SPHKAP: variants seen among roughly 807,000 people sequenced by gnomAD.
SPHKAP encodes the protein SPHK1 interactor, AKAP domain containing.
SPHKAP carries 67 observed loss-of-function variants against 137.5 expected under a neutral mutation model. The observed-to-expected ratio is 0.49, with a 90% CI of 0.40 to 0.60. The LOEUF (loss-of-function observed/expected upper bound fraction) is 0.60, where lower values mean the gene tolerates loss of function less well. SPHKAP is among the 20% of genes least tolerant of loss of function. The pLI, the probability that SPHKAP is intolerant of heterozygous loss-of-function variation, is 0.00. For missense variants in SPHKAP, 2,097 were observed against 2,069.3 expected, an observed-to-expected ratio of 1.01 and a Z score of -0.26; for synonymous variants, 813 against 785.3, an observed-to-expected ratio of 1.04 and a Z score of -0.59.
chr2:228,001,717 C>T lies in SPHKAP; in HGVS notation c.4449-6023G>A, dbSNP rs528779212. Reference sequence around the variant, plus strand: ...TATATCTCCTAATGCTATCCCTCCCCGCTCCCCGCAGCCCACAACAGGCCC... The same window carrying T: ...TATATCTCCTAATGCTATCCCTCCCTGCTCCCCGCAGCCCACAACAGGCCC... On this transcript the variant is annotated intron_variant, in intron 7 of 11. Transcript: ENST00000392056. Among the ~76,000 whole-genome samples, 14 of 151,848 alleles carry T rather than the reference C, an allele frequency of 9.2e-5. No homozygotes were observed. In the East Asian group the frequency reaches 9.7e-4, roughly 11 times the overall value.
chr2:227,993,324 T>C (rs543453417), intron 9 of SPHKAP, among the ~76,000 whole-genome samples: 55 of 152,314 alleles, frequency 3.6e-4, no homozygotes, highest in African/African-American at 1.3e-3. Flanking sequence ...GAAATGATTA[T>C]TTCACAGGGG....
At chr2:228,079,000 C>A (rs1472489301) in intron 3 of SPHKAP, among the ~76,000 whole-genome samples, 1 of 152,164 alleles carries the variant, frequency 6.6e-6, no homozygotes, top group Non-Finnish European at 1.5e-5. Context: ...TGGGCCTCTG[C>A]ATTACCAGGC....
intron 2 of SPHKAP, among the ~76,000 whole-genome samples, chr2:228,124,891 A>G (rs908092596): frequency 2.6e-5 from 4 of 152,210 alleles, no homozygotes; most frequent in Non-Finnish European, 5.9e-5. Context: ...AAAATGAAAC[A>G]TCCGGGGACA....
At chr2:227,989,006 T>G (rs908468833) in intron 11 of SPHKAP, among the ~76,000 whole-genome samples, 1 of 152,184 alleles carries the variant, frequency 6.6e-6, no homozygotes, top group Non-Finnish European at 1.5e-5. Flanking sequence ...AGAAAGGGTA[T>G]GAAAAATGAA....
At chr2:228,031,975 C>T (rs1695344847) in intron 3 of SPHKAP, among the ~76,000 whole-genome samples, 1 of 152,150 alleles carries the variant, frequency 6.6e-6, no homozygotes, top group South Asian at 2.1e-4. Context: ...AGCAGAGCGC[C>T]TCTCCTCCTC....
intron 3 of SPHKAP, among the ~76,000 whole-genome samples, chr2:228,066,671 T>C (rs1016342389): frequency 2.0e-5 from 3 of 152,136 alleles, no homozygotes; most frequent in Admixed American, 6.5e-5. Flanking sequence ...CTTGGTCTCA[T>C]GTTGCTCAAC....
rs559565851 is a variant in SPHKAP at position 228,084,804 on chromosome 2, T to G, written c.246+24028A>C. On this transcript the variant is annotated intron_variant, in intron 3 of 11. Coordinates refer to ENST00000392056, the MANE Select transcript of SPHKAP (RefSeq NM_001142644.2). ...GCTTAGGTGAAGAATGAGAAAGGGCTGGATTGAACAGAGAAAAAATGCATC... is the reference window on the plus strand; with the variant it reads ...GCTTAGGTGAAGAATGAGAAAGGGCGGGATTGAACAGAGAAAAAATGCATC... 2.2e-3 allele frequency among the ~76,000 whole-genome samples: 329 copies of G among 152,308 alleles called. 1 individual carries two copies. The highest frequency in any genetic ancestry group is 4.0e-3 in the Non-Finnish European group (270 of 68,020).
intron 8 of SPHKAP, among the ~76,000 whole-genome samples, chr2:227,994,712 G>A (rs1160051182): frequency 1.3e-5 from 2 of 152,126 alleles, no homozygotes; most frequent in African/African-American, 2.4e-5. Flanking sequence ...CCAAAGATTC[G>A]AGTTCTCTTT....
chr2:228,065,910 T>C (rs916745744), intron 3 of SPHKAP, among the ~76,000 whole-genome samples: 3 of 152,172 alleles, frequency 2.0e-5, no homozygotes, highest in African/African-American at 7.2e-5. Context: ...AAAATTATCA[T>C]GAGTCAACTA....
chr2:228,062,165 T>A (rs553285501), intron 3 of SPHKAP, among the ~76,000 whole-genome samples: 3 of 151,672 alleles, frequency 2.0e-5, no homozygotes, highest in African/African-American at 4.8e-5. Flanking sequence ...CCTTTTTTTT[T>A]AATTTTTCTT....
chr2:228,129,818 A>G (rs571336632), intron 2 of SPHKAP, among the ~76,000 whole-genome samples: 34 of 140,304 alleles, frequency 2.4e-4, no homozygotes, highest in Non-Finnish European at 4.9e-4. Context: ...TTTTTTTGAG[A>G]CTGAGTCTTA....
chr2:228,147,558 G>A (rs148821790), intron 1 of SPHKAP, among the ~76,000 whole-genome samples: 68 of 152,282 alleles, frequency 4.5e-4, no homozygotes, highest in African/African-American at 1.5e-3. Context: ...ATACTACTAT[G>A]CAGAAGTCAG....
At chr2:228,107,222 A>C (rs1698370172) in intron 3 of SPHKAP, among the ~76,000 whole-genome samples, 1 of 152,088 alleles carries the variant, frequency 6.6e-6, no homozygotes, top group South Asian at 2.1e-4. Context: ...TCCTTTGACT[A>C]ACATCTTCTC....
intron 2 of SPHKAP, among the ~76,000 whole-genome samples, chr2:228,123,725 C>T (rs1451660390): frequency 1.3e-5 from 2 of 152,106 alleles, no homozygotes; most frequent in African/African-American, 4.8e-5. Context: ...TGTGCAGAAG[C>T]TCTTTAGTTT....
intron 2 of SPHKAP, chr2:228,131,704 A>G: frequency 1.3e-6 from 1 of 766,800 alleles, no homozygotes. Context: ...AGAAACTGTT[A>G]TTCATGGCTA....
intron 7 of SPHKAP, among the ~76,000 whole-genome samples, chr2:228,006,524 C>G (rs1388192019): frequency 6.6e-6 from 1 of 152,154 alleles, no homozygotes; most frequent in Non-Finnish European, 1.5e-5. Flanking sequence ...TCGTCTGAAG[C>G]CTTCTTCTCT....
At chr2:228,041,579 G>A (rs1387248975) in intron 3 of SPHKAP, among the ~76,000 whole-genome samples, 1 of 150,300 alleles carries the variant, frequency 6.7e-6, no homozygotes, top group Non-Finnish European at 1.5e-5. Context: ...AGGAGGCGGA[G>A]GAGGTTGCAG....
At chr2:228,098,538 C>A (rs1189175040) in intron 3 of SPHKAP, among the ~76,000 whole-genome samples, 1 of 151,754 alleles carries the variant, frequency 6.6e-6, no homozygotes, top group Non-Finnish European at 1.5e-5. Flanking sequence ...TGCATGTTCT[C>A]ACTCATAGGT....
intron 3 of SPHKAP, among the ~76,000 whole-genome samples, chr2:228,098,658 C>T (rs550282875): frequency 2.3e-4 from 35 of 151,318 alleles, no homozygotes; most frequent in Middle Eastern, 3.4e-3. Context: ...ATATACCTAA[C>T]GCTAAATGAT....
Sources: allele counts gnomAD v4.1 joint callset (sites outside exome capture counted in the v4.1 genomes callset), GRCh38; gene constraint gnomAD v4.1.1; transcripts MANE v1.5; gene names NCBI Gene and HGNC (gene_info 2026-07-23, HGNC 2026-07-21).